Variants in DGKH observed in about 807,000 individuals in gnomAD.
The protein encoded by DGKH is DAG kinase eta.
In DGKH, 90 loss-of-function variants were observed where a neutral mutation model predicts 159.3. That is an observed-to-expected ratio of 0.57 (90% CI 0.48 to 0.67). The LOEUF (loss-of-function observed/expected upper bound fraction) is 0.67, where lower values mean the gene tolerates loss of function less well. DGKH is among the 30% of genes least tolerant of loss of function. DGKH has a pLI of 0.00. For missense variants in DGKH, 1,181 were observed against 1,506.1 expected, an observed-to-expected ratio of 0.78 and a Z score of 3.57; for synonymous variants, 536 against 553.8, an observed-to-expected ratio of 0.97 and a Z score of 0.45.
rs1957466437 is a variant in DGKH at position 42,206,119 on chromosome 13, C to T, written c.2574C>T (p.Asn858=). The T allele has an allele frequency of 6.9e-7, 1 of 1,447,256 alleles. No individual in the cohort carries two copies. The highest frequency in any genetic ancestry group is 9.2e-7 in the Non-Finnish European group (1 of 1,092,654). 89.7% of individuals were successfully genotyped at this position (1,447,256 alleles called of 1,614,324 possible). A position where few individuals can be genotyped will look rare whatever the true frequency, so the allele number is the denominator to read the frequency against. The change falls in exon 21 of 30, where the codon AAC becomes AAT. Residue 858 remains asparagine, a synonymous_variant. Coordinates refer to ENST00000337343, the MANE Select transcript of DGKH (RefSeq NM_178009.5). Reference sequence around the variant, plus strand: ...TTCCCAGCTATGCTGGAGGCACTAACTTTTGGGGTGGAACTAAAGAGGATG... The same window carrying T: ...TTCCCAGCTATGCTGGAGGCACTAATTTTTGGGGTGGAACTAAAGAGGATG... ...LNIPSYAGGT[N]FWGGTKEDDI...
intron 12 of DGKH, 33 bp downstream of exon 12, chr13:42,174,177 TGGG>T: frequency 6.7e-7 from 1 of 1,488,374 alleles, no homozygotes; most frequent in East Asian, 2.3e-5. Context: ...TCATTTGAAA[TGGG>T]GGTGGATATC....
At chr13:42,252,364 T>C (rs1351771345) in intron 29 of DGKH, 1 of 152,180 alleles carries the variant, frequency 6.6e-6, no homozygotes, top group East Asian at 1.9e-4. Context: ...CCCGTAAGTT[T>C]TCTTTAAACA....
chr13:42,237,959 C>T lies in DGKH; in HGVS notation c.*8771C>T, dbSNP rs972748016. 1.3e-5 allele frequency: 2 copies of T among 152,120 alleles called. No homozygotes were observed. Among genetic ancestry groups the T allele is most frequent in the Non-Finnish European group, 1.5e-5 (1 of 68,010 alleles). The allele number at this position is 152,120 out of a possible 1,614,324, so 9.4% of individuals were successfully genotyped here. A position where few individuals can be genotyped will look rare whatever the true frequency, so the allele number is the denominator to read the frequency against. On this transcript the variant is annotated 3_prime_UTR_variant, in exon 30 of 30. Coordinates refer to ENST00000337343, the MANE Select transcript of DGKH (RefSeq NM_178009.5). ...AATGGATTTTTTCCTTTCACTGAAACAACAAAACAATTATTGAAATTCACA... is the reference window on the plus strand; with the variant it reads ...AATGGATTTTTTCCTTTCACTGAAATAACAAAACAATTATTGAAATTCACA...
At chr13:42,164,846 T>C (rs9315897) in intron 7 of DGKH, among the ~76,000 whole-genome samples, 19,677 of 152,186 alleles carry the variant, frequency 0.13, 1,497 homozygotes, top group South Asian at 0.18. Context: ...GAATAGAAAG[T>C]TATGGGATTA....
At chr13:42,180,344 A>G (rs1487969414) in intron 13 of DGKH, among the ~76,000 whole-genome samples, 1 of 152,212 alleles carries the variant, frequency 6.6e-6, no homozygotes, top group Non-Finnish European at 1.5e-5. Flanking sequence ...GAGAGTGTGT[A>G]GCCCACCTCT....
intron 1 of DGKH, among the ~76,000 whole-genome samples, chr13:42,088,176 T>A (rs1954345001): frequency 6.6e-6 from 1 of 152,130 alleles, no homozygotes; most frequent in Non-Finnish European, 1.5e-5. Flanking sequence ...GTGAAAAATA[T>A]CTTTCAAAAG....
In DGKH at chr13:42,189,200, T is replaced by C. The variant is rs199668983; in HGVS notation, c.1803T>C (p.Asp601=). 62 of 1,614,222 alleles carry C rather than the reference T, an allele frequency of 3.8e-5. 1 individual carries two copies. In the East Asian group the frequency reaches 1.4e-3, roughly 36 times the overall value. ...GTGAAAGCAAAGAGCAGCTTGGGGATGACGTTACAAAACCTTCCTCCCAGA... is the reference window on the plus strand; with the variant it reads ...GTGAAAGCAAAGAGCAGCTTGGGGACGACGTTACAAAACCTTCCTCCCAGA... ...SLGESKEQLG[D]DVTKPSSQKA... is the part of the protein sequence containing the mutation. Residue 601 remains aspartate, a synonymous_variant, in exon 15 of 30, where the codon GAT becomes GAC. Coordinates refer to ENST00000337343, the MANE Select transcript of DGKH (RefSeq NM_178009.5).
chr13:42,199,518 AT>A, intron 18 of DGKH, 47 bp from the exon 19 acceptor site: 3 of 1,285,354 alleles, frequency 2.3e-6, no homozygotes, highest in Non-Finnish European at 3.3e-6. Context: ...TGTAATTGTT[AT>A]AATGAATCTC....
intron 21 of DGKH, among the ~76,000 whole-genome samples, chr13:42,206,975 T>TTTTCTTTTTCTTTCTTTCTTTC (rs1555275937): frequency 0.021 from 1,700 of 82,310 alleles, 82 homozygotes; most frequent in Admixed American, 0.034. Context: ...TACTTTTACT[T>TTTTCTTTTTCTTTCTTTCTTTC]TTTCTTTCTT....
chr13:42,092,830 A>G (rs1319152263), intron 1 of DGKH, among the ~76,000 whole-genome samples: 1 of 152,244 alleles, frequency 6.6e-6, no homozygotes, highest in Non-Finnish European at 1.5e-5. Context: ...TACACATTGT[A>G]TACAAGTATC....
chr13:42,070,292 T>C lies in DGKH; in HGVS notation c.192+21327T>C, dbSNP rs1801929941. On this transcript the variant is annotated intron_variant, in intron 1 of 29. Coordinates refer to ENST00000337343, the MANE Select transcript of DGKH (RefSeq NM_178009.5). Reference sequence around the variant, plus strand: ...TGTGGCTCAGTCATGTGATTTCTAATGTAAACTGGAATTACGCTGAGAAGC... The same window carrying C: ...TGTGGCTCAGTCATGTGATTTCTAACGTAAACTGGAATTACGCTGAGAAGC... 5 of 1,263,682 alleles carry C rather than the reference T, an allele frequency of 4.0e-6. No homozygotes were observed. In the Admixed American group the frequency reaches 6.7e-5, roughly 17 times the overall value. The allele number at this position is 1,263,682 out of a possible 1,614,324, so 78.3% of individuals were successfully genotyped here. A position where few individuals can be genotyped will look rare whatever the true frequency, so the allele number is the denominator to read the frequency against.
At chr13:42,212,495 G>GT (rs751149088) in intron 24 of DGKH, among the ~76,000 whole-genome samples, 8 of 152,070 alleles carry the variant, frequency 5.3e-5, no homozygotes, top group Non-Finnish European at 8.8e-5. Context: ...AATTTACAGT[G>GT]TTTTTTTGAA....
chr13:42,055,665 T>A (rs930938924), intron 1 of DGKH, among the ~76,000 whole-genome samples: 17 of 152,184 alleles, frequency 1.1e-4, no homozygotes, highest in African/African-American at 4.1e-4. Flanking sequence ...TCATATTGGA[T>A]TTGTTAGGCT....
At chr13:42,245,735 G>A (rs921749312), downstream of DGKH, among the ~76,000 whole-genome samples, 10 of 152,004 alleles carry the variant, frequency 6.6e-5, no homozygotes, top group African/African-American at 2.2e-4. Flanking sequence ...ACAGGCACGC[G>A]CCAACACACC....
chr13:42,061,131 C>T (rs895500030), intron 1 of DGKH, among the ~76,000 whole-genome samples: 8 of 152,106 alleles, frequency 5.3e-5, no homozygotes, highest in African/African-American at 9.7e-5. Flanking sequence ...TTTGAGGAGG[C>T]GGTGTCTGAT....
At chr13:42,129,924 T>C (rs938704043) in intron 3 of DGKH, among the ~76,000 whole-genome samples, 1 of 152,230 alleles carries the variant, frequency 6.6e-6, no homozygotes, top group African/African-American at 2.4e-5. Flanking sequence ...ATTCCATTGT[T>C]CTTGAATATT....
chr13:42,070,324 C>T (rs117039832), intron 1 of DGKH: 21,221 of 1,370,794 alleles, frequency 0.015, 263 homozygotes, highest in Middle Eastern at 0.064. Context: ...AAGCTCCTGA[C>T]GATCTTCCTC....
intron 1 of DGKH, among the ~76,000 whole-genome samples, chr13:42,084,558 C>G (rs1954267046): frequency 6.6e-6 from 1 of 151,744 alleles, no homozygotes; most frequent in Non-Finnish European, 1.5e-5. Context: ...TAGAGTTAAC[C>G]TTAGTTATAT....
chr13:42,185,534 A>G (rs139437214), intron 13 of DGKH, among the ~76,000 whole-genome samples: 8 of 152,226 alleles, frequency 5.3e-5, no homozygotes, highest in Admixed American at 2.6e-4. Flanking sequence ...ATGATATGAC[A>G]TATGCAGTTT....
Sources: allele counts gnomAD v4.1 joint callset (sites outside exome capture counted in the v4.1 genomes callset), GRCh38; gene constraint gnomAD v4.1.1; transcripts MANE v1.5; gene names NCBI Gene and HGNC (gene_info 2026-07-23, HGNC 2026-07-21).